Variants in ARL13B observed in about 807,000 individuals in gnomAD.
ARL13B encodes ARF like GTPase 13B.
ARL13B carries 36 observed loss-of-function variants against 56.1 expected under a neutral mutation model. That is an observed-to-expected ratio of 0.64 (90% CI 0.49 to 0.85). ARL13B has a LOEUF of 0.85. Among genes scored for constraint, ARL13B ranks in the 40% least tolerant of loss-of-function variants. ARL13B has a pLI of 0.00. For synonymous variants in ARL13B, 178 were observed against 171.1 expected, an observed-to-expected ratio of 1.04 and a Z score of -0.32; for missense variants, 519 against 507.1, an observed-to-expected ratio of 1.02 and a Z score of -0.23.
chr3:93,994,754 C>G (rs561869192), intron 1 of ARL13B, among the ~76,000 whole-genome samples: 1 of 151,368 alleles, frequency 6.6e-6, no homozygotes, highest in Non-Finnish European at 1.5e-5. Flanking sequence ...CATACTCTCA[C>G]CTCTGTCTTC....
Position 94,055,397 on chromosome 3 carries a change from GC to G in ARL13B, c.*2135del. On this transcript the variant is annotated 3_prime_UTR_variant, in exon 10 of 10. Coordinates refer to ENST00000394222, the MANE Select transcript of ARL13B (RefSeq NM_001174150.2). ...GTTTAAATCAGTAGATTAAAATAAT[GC>G]ATTTTTTTGATACTTTACACACAAA... The G allele has an allele frequency of 4.4e-6, 2 of 450,220 alleles. No homozygotes were observed. The highest frequency in any genetic ancestry group is 8.9e-6 in the Non-Finnish European group (2 of 224,158). 27.9% of individuals were successfully genotyped at this position (450,220 alleles called of 1,614,324 possible). A position where few individuals can be genotyped will look rare whatever the true frequency, so the allele number is the denominator to read the frequency against.
intron 7 of ARL13B, among the ~76,000 whole-genome samples, chr3:94,044,825 G>A (rs1212630572): frequency 2.0e-5 from 3 of 148,718 alleles, no homozygotes; most frequent in African/African-American, 7.5e-5. Flanking sequence ...AGTGGGGAGC[G>A]CCTCTGCCCG....
intron 2 of ARL13B, among the ~76,000 whole-genome samples, chr3:93,996,367 A>T (rs1033129855): frequency 6.6e-6 from 1 of 152,138 alleles, no homozygotes; most frequent in Non-Finnish European, 1.5e-5. Context: ...GAATCTCTTG[A>T]TGCTTTTTTT....
chr3:94,007,795 G>A (rs1415906738), intron 3 of ARL13B, among the ~76,000 whole-genome samples: 2 of 152,148 alleles, frequency 1.3e-5, no homozygotes, highest in Non-Finnish European at 2.9e-5. Context: ...ACAGACTGGA[G>A]GTTTTTCTTG....
chr3:94,037,384 C>T (rs1198146358), intron 5 of ARL13B, among the ~76,000 whole-genome samples: 2 of 152,130 alleles, frequency 1.3e-5, no homozygotes, highest in African/African-American at 4.8e-5. Flanking sequence ...AACTCACTAC[C>T]CTTGGTGACC....
chr3:94,014,646 T>A (rs143124626), intron 3 of ARL13B: 5 of 1,613,636 alleles, frequency 3.1e-6, no homozygotes, highest in Non-Finnish European at 4.2e-6. Flanking sequence ...TCTCTGAAAG[T>A]TGTGCTTTAG....
At chr3:94,007,590 AC>A (rs755253803) in intron 3 of ARL13B, among the ~76,000 whole-genome samples, 2 of 152,032 alleles carry the variant, frequency 1.3e-5, no homozygotes, top group Non-Finnish European at 2.9e-5. Flanking sequence ...AGAAGCAGAA[AC>A]CCCTGATAAA....
At chr3:94,048,752 C>T (rs940302805) in intron 7 of ARL13B, among the ~76,000 whole-genome samples, 1 of 151,652 alleles carries the variant, frequency 6.6e-6, no homozygotes, top group Non-Finnish European at 1.5e-5. Context: ...AAAACAAAGC[C>T]ATGCTGGGGT....
Position 94,054,063 on chromosome 3 carries a change from A to G in ARL13B, c.*800A>G, listed in dbSNP as rs1179446966. 2.2e-6 allele frequency: 1 copy of G among 447,264 alleles called. No homozygotes were observed. Among genetic ancestry groups the G allele is most frequent in the South Asian group, 1.6e-5 (1 of 62,870 alleles). The allele number at this position is 447,264 out of a possible 1,614,324, so 27.7% of individuals were successfully genotyped here. A position where few individuals can be genotyped will look rare whatever the true frequency, so the allele number is the denominator to read the frequency against. ...ATCAAAATACATTCTGTGAGATACT[A>G]TTAAAAGTCTCAGTAAAGTCCTATT... is the stretch of plus-strand genomic sequence containing the variant. On this transcript the variant is annotated 3_prime_UTR_variant, in exon 10 of 10. Coordinates refer to ENST00000394222, the MANE Select transcript of ARL13B (RefSeq NM_001174150.2).
intron 9 of ARL13B, among the ~76,000 whole-genome samples, 184 bp from the exon 10 acceptor site, chr3:94,053,003 C>G (rs538969651): frequency 3.3e-5 from 5 of 152,044 alleles, no homozygotes; most frequent in Non-Finnish European, 7.4e-5. Flanking sequence ...AATGTTGGTG[C>G]CATCTCTTAA....
chr3:94,012,696 C>T (rs550588773), intron 3 of ARL13B, among the ~76,000 whole-genome samples: 15 of 152,132 alleles, frequency 9.9e-5, no homozygotes, highest in South Asian at 2.1e-4. Flanking sequence ...TAGGACATTG[C>T]GAATACTTTA....
At chr3:94,025,415 G>A (rs901414131) in intron 3 of ARL13B, among the ~76,000 whole-genome samples, 1 of 152,126 alleles carries the variant, frequency 6.6e-6, no homozygotes, top group African/African-American at 2.4e-5. Flanking sequence ...GTTTGTCTTG[G>A]TTTATGGATC....
intron 3 of ARL13B, among the ~76,000 whole-genome samples, chr3:94,008,873 A>G (rs987504735): frequency 2.0e-5 from 3 of 152,134 alleles, no homozygotes; most frequent in African/African-American, 7.2e-5. Context: ...GTGGAGTTAC[A>G]TGAACTACCT....
intron 3 of ARL13B, among the ~76,000 whole-genome samples, chr3:94,013,700 C>T (rs1459548135): frequency 6.6e-6 from 1 of 152,144 alleles, no homozygotes; most frequent in Non-Finnish European, 1.5e-5. Context: ...AATTCCAACA[C>T]TTTGGGAGGC....
chr3:93,999,593 T>A (rs939548886), intron 2 of ARL13B, among the ~76,000 whole-genome samples: 4 of 152,222 alleles, frequency 2.6e-5, no homozygotes, highest in Admixed American at 6.5e-5. Context: ...TCAGTTGTTT[T>A]TAAATGTTCG....
In ARL13B at chr3:93,980,473, A is replaced by T; in HGVS notation, c.50A>T (p.Glu17Val). Residue 17 changes from glutamate to valine, a missense_variant, in exon 1 of 10, where the codon GAG becomes GTG. Glu to Val is a moderately radical substitution (Grantham distance 121, BLOSUM62 -2). Coordinates refer to ENST00000394222, the MANE Select transcript of ARL13B (RefSeq NM_001174150.2). Reference protein sequence around the residue: ...SCCGWFKRWREPVRKVTLLMV... With the variant: ...SCCGWFKRWRVPVRKVTLLMV... ...TGCGGCTGGTTCAAGCGGTGGCGGG[A>T]GCCTGTCAGGTAGGCTGGAGCCAGC... 1 of 1,611,374 alleles carries T rather than the reference A, an allele frequency of 6.2e-7. No homozygotes were observed. Among genetic ancestry groups the T allele is most frequent in the Non-Finnish European group, 8.5e-7 (1 of 1,179,944 alleles).
intron 9 of ARL13B, among the ~76,000 whole-genome samples, chr3:94,051,240 G>A (rs1372196292): frequency 6.6e-6 from 1 of 151,994 alleles, no homozygotes; most frequent in Non-Finnish European, 1.5e-5. Context: ...AGTGTTAAAA[G>A]CTGTAGTTTC....
intron 3 of ARL13B, among the ~76,000 whole-genome samples, chr3:94,017,991 A>G (rs959626501): frequency 6.6e-6 from 1 of 152,244 alleles, no homozygotes; most frequent in Non-Finnish European, 1.5e-5. Context: ...TTCTAGGTGC[A>G]GTAGAAGACA....
intron 9 of ARL13B, among the ~76,000 whole-genome samples, chr3:94,052,749 GT>G (rs1291952890): frequency 6.6e-6 from 1 of 152,060 alleles, no homozygotes; most frequent in African/African-American, 2.4e-5. Context: ...ATTATATTTG[GT>G]GCTTAGAAAA....
Sources: gnomAD v4.1 joint callset for allele counts (sites outside exome capture counted in the v4.1 genomes callset) on GRCh38, gnomAD v4.1.1 for gene constraint, MANE v1.5 for transcripts, NCBI Gene and HGNC (gene_info 2026-07-23, HGNC 2026-07-21) for gene names.